Variants in ZBTB20 observed in about 807,000 individuals in gnomAD.
The protein encoded by ZBTB20 is zinc finger and BTB domain containing 20.
ZBTB20 carries 9 observed loss-of-function variants against 56.9 expected under a neutral mutation model. That is an observed-to-expected ratio of 0.16 (90% CI 0.10 to 0.28). The LOEUF is 0.28. ZBTB20 is among the 10% of genes least tolerant of loss of function. ZBTB20 has a pLI of 1.00. For synonymous variants in ZBTB20, 417 were observed against 420.7 expected (o/e 0.99, Z 0.11); for missense variants, 655 against 1,003.0 (o/e 0.65, Z 4.69).
chr3:115,130,826 A>T (rs2084483046), intron 1 of ZBTB20, among the ~76,000 whole-genome samples: 1 of 152,194 alleles, frequency 6.6e-6, no homozygotes, highest in Non-Finnish European at 1.5e-5. Flanking sequence ...CAATGGCACC[A>T]TCTCGGCTCA....
chr3:115,024,619 C>G (rs1030400473), intron 2 of ZBTB20, among the ~76,000 whole-genome samples: 1 of 151,114 alleles, frequency 6.6e-6, no homozygotes, highest in Admixed American at 6.6e-5. Flanking sequence ...CCTCACATCC[C>G]TCTTGCATTT....
intron 4 of ZBTB20, among the ~76,000 whole-genome samples, chr3:114,881,794 A>G (rs745767724): frequency 3.3e-5 from 5 of 151,874 alleles, no homozygotes; most frequent in Non-Finnish European, 7.4e-5. Context: ...AAAGAATTAA[A>G]AAAATTGGTG....
intron 5 of ZBTB20, among the ~76,000 whole-genome samples, chr3:114,712,894 T>C (rs553783727): frequency 6.6e-6 from 1 of 152,284 alleles, no homozygotes; most frequent in South Asian, 2.1e-4. Flanking sequence ...AGCTTTTCCG[T>C]GTTCAAACAG....
At chr3:114,466,460 G>A (rs2092558260) in intron 7 of ZBTB20, among the ~76,000 whole-genome samples, 1 of 152,080 alleles carries the variant, frequency 6.6e-6, no homozygotes, top group African/African-American at 2.4e-5. Context: ...CTGAACTTTG[G>A]CCTATTCTTT....
rs2108023101 is a variant in ZBTB20 at position 114,326,966 on chromosome 3, A to G, written c.*12039T>C. ...TGCATTGTATGTGTGTGTGTTGCAG[A>G]GGGAGAGGGGAGCAAAGCAAGCTTT... On this transcript the variant is annotated 3_prime_UTR_variant, in exon 12 of 12. Coordinates refer to ENST00000675478, the MANE Select transcript of ZBTB20 (RefSeq NM_001348800.3). 6.6e-6 allele frequency: 1 copy of G among 152,256 alleles called. No individual in the cohort carries two copies. The highest frequency in any genetic ancestry group is 2.1e-4 in the South Asian group (1 of 4,824). The allele number at this position is 152,256 out of a possible 1,614,324, so 9.4% of individuals were successfully genotyped here.
At chr3:114,786,044 G>A (rs2070463570) in intron 5 of ZBTB20, among the ~76,000 whole-genome samples, 1 of 151,844 alleles carries the variant, frequency 6.6e-6, no homozygotes, top group Non-Finnish European at 1.5e-5. Flanking sequence ...AGGACGTGCA[G>A]GTTTGTTACA....
chr3:114,791,245 C>T lies in ZBTB20; in HGVS notation c.-343+9856G>A, dbSNP rs560900173. Among the ~76,000 whole-genome samples, 9 of 152,244 alleles carry T rather than the reference C, an allele frequency of 5.9e-5. No individual in the cohort carries two copies. The South Asian group carries it at 1.9e-3, about 32-fold the overall frequency. On this transcript the variant is annotated intron_variant, in intron 5 of 11. Transcript: ENST00000675478. ...TCTTTCCTTCCAATTATACTTGCTG[C>T]CTTGCTAGTGGTAAGCAATGATAAC...
chr3:114,811,802 G>C lies in ZBTB20; in HGVS notation c.-416-10628C>G, dbSNP rs368519469. Among the ~76,000 whole-genome samples the C allele has an allele frequency of 4.8e-5, 6 of 125,082 alleles. No individual in the cohort carries two copies. The South Asian group carries it at 8.0e-4, about 17-fold the overall frequency. 82.1% of individuals were successfully genotyped at this position (125,082 alleles called of 152,430 possible). A position where few individuals can be genotyped will look rare whatever the true frequency, so the allele number is the denominator to read the frequency against. ...TGAAACATCACATACATTGCTTAAAGATGTAAGTCTGAGGATGGAGAATGT... is the reference window on the plus strand; with the variant it reads ...TGAAACATCACATACATTGCTTAAACATGTAAGTCTGAGGATGGAGAATGT... On this transcript the variant is annotated intron_variant, in intron 4 of 11. Transcript: ENST00000675478.
chr3:114,635,071 A>T (rs2059181736), intron 6 of ZBTB20, among the ~76,000 whole-genome samples: 1 of 152,198 alleles, frequency 6.6e-6, no homozygotes, highest in South Asian at 2.1e-4. Context: ...CTGTGAAGCC[A>T]GTTTCCATTT....
intron 7 of ZBTB20, among the ~76,000 whole-genome samples, chr3:114,458,728 G>GT (rs78333698): frequency 1.8e-3 from 256 of 145,990 alleles, no homozygotes; most frequent in African/African-American, 2.3e-3. Flanking sequence ...TACTTGACAG[G>GT]TTTTTTTTTT....
intron 6 of ZBTB20, among the ~76,000 whole-genome samples, chr3:114,676,993 T>C (rs1228290936): frequency 2.0e-5 from 3 of 152,100 alleles, no homozygotes; most frequent in Admixed American, 1.3e-4. Context: ...CAGGATGGTC[T>C]TGATCTCCTG....
intron 6 of ZBTB20, among the ~76,000 whole-genome samples, chr3:114,668,577 T>C (rs2061185233): frequency 6.6e-6 from 1 of 152,018 alleles, no homozygotes; most frequent in Non-Finnish European, 1.5e-5. Context: ...CCAAGATTAA[T>C]TTACCTGTTG....
At chr3:114,581,541 TACA>T (rs997879403) in intron 6 of ZBTB20, among the ~76,000 whole-genome samples, 1 of 151,910 alleles carries the variant, frequency 6.6e-6, no homozygotes, top group Non-Finnish European at 1.5e-5. Context: ...TCCAGAATAT[TACA>T]ACAACAGCAA....
intron 6 of ZBTB20, among the ~76,000 whole-genome samples, chr3:114,692,363 T>C (rs1045970153): frequency 6.6e-6 from 1 of 152,008 alleles, no homozygotes; most frequent in Non-Finnish European, 1.5e-5. Context: ...GAGACAGAGA[T>C]AGATGTGCAA....
chr3:114,494,925 TG>T (rs1346882556), intron 7 of ZBTB20, among the ~76,000 whole-genome samples: 2 of 152,238 alleles, frequency 1.3e-5, no homozygotes, highest in East Asian at 3.8e-4. Context: ...TCCAACACTT[TG>T]GTATATGATT....
intron 5 of ZBTB20, among the ~76,000 whole-genome samples, chr3:114,792,878 T>TTTTC (rs1491080676): frequency 3.3e-3 from 3 of 912 alleles, no homozygotes; most frequent in Admixed American, 0.021. Flanking sequence ...TTCTTTTTCT[T>TTTTC]TTTTTTTTTT....
intron 7 of ZBTB20, among the ~76,000 whole-genome samples, chr3:114,479,475 C>T (rs953263990): frequency 2.0e-5 from 3 of 152,208 alleles, no homozygotes; most frequent in African/African-American, 7.2e-5. Context: ...TGTAGACACA[C>T]ATGTGGGTCT....
chr3:114,472,713 GA>G (rs11331242), intron 7 of ZBTB20, among the ~76,000 whole-genome samples: 147,196 of 148,586 alleles, frequency 0.99, 72,915 homozygotes, highest in South Asian at 1. Flanking sequence ...CATCTCAGAA[GA>G]AAAAAAAAAA....
chr3:114,992,334 A>C (rs574384448), intron 2 of ZBTB20, among the ~76,000 whole-genome samples: 4 of 152,054 alleles, frequency 2.6e-5, no homozygotes, highest in Non-Finnish European at 5.9e-5. Flanking sequence ...GGCTATAAGC[A>C]ATCATAAAGA....
Sources: allele counts gnomAD v4.1 joint callset (sites outside exome capture counted in the v4.1 genomes callset), GRCh38; gene constraint gnomAD v4.1.1; transcripts MANE v1.5; gene names NCBI Gene and HGNC (gene_info 2026-07-23, HGNC 2026-07-21).